ELN: variants seen among roughly 807,000 people sequenced by gnomAD.
ELN encodes tropoelastin.
A neutral mutation model predicts 105.8 loss-of-function variants in ELN; 65 were observed. That is an observed-to-expected ratio of 0.61 (90% CI 0.50 to 0.75). The LOEUF (loss-of-function observed/expected upper bound fraction) is 0.75, where lower values mean the gene tolerates loss of function less well. Ranked by LOEUF, ELN falls within the 30% of genes least tolerant of loss-of-function variation. ELN has a pLI of 0.00. For synonymous variants in ELN, 368 were observed against 389.2 expected, an observed-to-expected ratio of 0.95 and a Z score of 0.64; for missense variants, 882 against 969.4, an observed-to-expected ratio of 0.91 and a Z score of 1.20.
At chr7:74,058,796 G>T (rs1350131636) in intron 22 of ELN, among the ~76,000 whole-genome samples, 1 of 152,240 alleles carries the variant, frequency 6.6e-6, no homozygotes, top group Non-Finnish European at 1.5e-5. Flanking sequence ...TGGGCATGGG[G>T]TCTGTAGGCC....
At chr7:74,052,330 G>A in intron 17 of ELN, 1 of 354,912 alleles carries the variant, frequency 2.8e-6, no homozygotes, top group Non-Finnish European at 5.4e-6. Flanking sequence ...GCTATGCACA[G>A]TGGCTCACGC....
At position 74,051,763 on chromosome 7, in the gene ELN, C is replaced by G. The variant is rs782073662; in HGVS notation, c.813C>G (p.Ala271=). 9.9e-6 allele frequency: 16 copies of G among 1,614,080 alleles called. No homozygotes were observed. In the African/African-American group the frequency reaches 2.0e-4, roughly 20 times the overall value. ...KAAAKFGAGA[A]GVLPGVGGAG... ...CCATCTCAACAGGTGCTGGAGCAGC[C>G]GGAGTCCTCCCTGGTGTTGGAGGGG... The change falls in exon 16 of 33, where the codon GCC becomes GCG. Residue 271 remains alanine (A), a synonymous_variant. Coordinates refer to ENST00000252034, the MANE Select transcript of ELN (RefSeq NM_000501.4).
At chr7:74,054,916 C>T (rs948769086) in intron 19 of ELN, 147 bp downstream of exon 19, 7 of 847,342 alleles carry the variant, frequency 8.3e-6, no homozygotes, top group Middle Eastern at 3.4e-4. Flanking sequence ...GACAATGTCT[C>T]CCCCATTTGT....
At chr7:74,036,445 C>G (rs954298521) in intron 2 of ELN, 110 bp from the exon 3 acceptor site, 58 of 1,477,440 alleles carry the variant, frequency 3.9e-5, no homozygotes, top group Non-Finnish European at 5.1e-5. Context: ...CAGGTCTTGC[C>G]CAAGGTCACG....
chr7:74,046,263 G>A (rs1290502472), intron 11 of ELN, 46 bp downstream of exon 11: 1 of 1,613,882 alleles, frequency 6.2e-7, no homozygotes, highest in Non-Finnish European at 8.5e-7. Flanking sequence ...GCCAGGCAGA[G>A]GCTCTGGCGT....
At chr7:74,058,911 C>A (rs1300694249) in intron 22 of ELN, among the ~76,000 whole-genome samples, 1 of 152,158 alleles carries the variant, frequency 6.6e-6, no homozygotes, top group Non-Finnish European at 1.5e-5. Flanking sequence ...CATATTCTCA[C>A]ACACAGCAAT....
chr7:74,032,574 G>A (rs1788945840), intron 1 of ELN, among the ~76,000 whole-genome samples: 1 of 152,226 alleles, frequency 6.6e-6, no homozygotes, highest in Non-Finnish European at 1.5e-5. Flanking sequence ...ATTGCAAAGT[G>A]GGGATTAAAA....
intron 9 of ELN, among the ~76,000 whole-genome samples, 163 bp downstream of exon 9, chr7:74,044,083 C>T (rs1432279470): frequency 6.6e-6 from 1 of 151,928 alleles, no homozygotes; most frequent in Non-Finnish European, 1.5e-5. Context: ...CTCGTCTCTA[C>T]AAAAAAATTT....
chr7:74,051,903 C>A (rs187431078), intron 16 of ELN, 21 bp from the exon 17 acceptor site: 41 of 1,614,128 alleles, frequency 2.5e-5, no homozygotes, highest in Non-Finnish European at 3.3e-5. Flanking sequence ...AGGACCTCAC[C>A]CTCTGTGGCT....
rs782083834 is a variant in ELN at position 74,066,021 on chromosome 7, G to A, written c.2086+24G>A. On this transcript the variant is annotated intron_variant, in intron 31 of 32. Transcript: ENST00000252034. ...AGGTAGGGGTGGCCAGCTCTGCTAC[G>A]TAGTCCTCAGCTCTGTCCCGATCTA... 48 of 1,613,868 alleles carry A rather than the reference G, an allele frequency of 3.0e-5. No individual in the cohort carries two copies. In the African/African-American group the frequency reaches 4.7e-4, roughly 16 times the overall value.
At chr7:74,067,457 G>A (rs1393389529) in intron 32 of ELN, among the ~76,000 whole-genome samples, 7 of 151,600 alleles carry the variant, frequency 4.6e-5, no homozygotes, top group Admixed American at 1.3e-4. Flanking sequence ...TAGTAGAGAC[G>A]GGGTTTCACC....
rs1452362558 is a variant in ELN, at chr7:74,063,967, G to T, written c.1993+272G>T. 3.3e-5 allele frequency among the ~76,000 whole-genome samples: 5 copies of T among 152,104 alleles called. No homozygotes were observed. Among genetic ancestry groups the T allele is most frequent in the African/African-American group, 1.2e-4 (5 of 41,418 alleles). On this transcript the variant is annotated intron_variant, in intron 29 of 32. Transcript: ENST00000252034. This position sits in a 1 kb window ranked among gnomAD's most constrained non-coding sequence, Gnocchi z 4.1. ...AAAATACAAAAATAAGCCGGGCGTG[G>T]TGGTGGGCACCTGTATTTCCAGCTA...
Position 74,060,406 on chromosome 7 carries a change from C to T in ELN, c.1652C>T (p.Pro551Leu). 1 of 1,614,156 alleles carries T rather than the reference C, an allele frequency of 6.2e-7. No individual in the cohort carries two copies. Among genetic ancestry groups the T allele is most frequent in the Non-Finnish European group, 8.5e-7 (1 of 1,180,022 alleles). ...GCAGCTGGGCTTGGTGCTGGCATCC[C>T]TGGACTTGGAGTTGGTGTCGGCGTC... ...RAAAGLGAGI[P>L]GLGVGVGVPG... The change falls in exon 25 of 33, where the codon CCT (proline) becomes CTT (leucine). Residue 551 changes from proline to leucine, a missense_variant. Coordinates refer to ENST00000252034, the MANE Select transcript of ELN (RefSeq NM_000501.4).
intron 5 of ELN, among the ~76,000 whole-genome samples, chr7:74,042,176 T>C (rs1554668885): frequency 6.6e-6 from 1 of 151,084 alleles, no homozygotes; most frequent in African/African-American, 2.4e-5. Flanking sequence ...TCCTAGCACT[T>C]TGGGAGGCTG....
chr7:74,053,011 CT>C, intron 17 of ELN, 151 bp from the exon 18 acceptor site: 1 of 1,117,336 alleles, frequency 8.9e-7, no homozygotes, highest in Admixed American at 2.0e-5. Flanking sequence ...CTCTCCACAT[CT>C]CTCTGATGAG....
In ELN at chr7:74,060,458, T is replaced by C. The variant is rs955088925; in HGVS notation, c.1704T>C (p.Val568=). 6.2e-7 allele frequency: 1 copy of C among 1,613,590 alleles called. No individual in the cohort carries two copies. Among genetic ancestry groups the C allele is most frequent in the African/African-American group, 1.3e-5 (1 of 74,912 alleles). ...GVPGLGVGAG[V]PGLGVGAGVP... ...CTGGACTTGGAGTTGGTGCTGGTGT[T>C]CCTGGACTTGGAGTTGGTGCTGGTG... Residue 568 remains valine, a synonymous_variant, in exon 25 of 33, where the codon GTT becomes GTC. Coordinates refer to ENST00000252034, the MANE Select transcript of ELN (RefSeq NM_000501.4).
At chr7:74,052,147 T>C in intron 17 of ELN, 164 bp downstream of exon 17, 1 of 785,096 alleles carries the variant, frequency 1.3e-6, no homozygotes, top group East Asian at 2.7e-5. Context: ...TGAGATGCCA[T>C]CTCTATTGTT....
Position 74,048,198 on chromosome 7 carries a change from A to T in ELN, c.742A>T (p.Thr248Ser), listed in dbSNP as rs782574017. Residue 248 changes from threonine (T) to serine (S), a missense_variant, in exon 14 of 33, where the codon ACA becomes TCA. Coordinates refer to ENST00000252034, the MANE Select transcript of ELN (RefSeq NM_000501.4). Reference protein sequence around the residue: ...AAGKAGYPTGTGVGPQAAAAA... With the variant: ...AAGKAGYPTGSGVGPQAAAAA... ...GGGCAAGGCTGGTTACCCAACAGGG[A>T]CAGGTAAGGAAAGCCTCACGTCACT... is the stretch of plus-strand genomic sequence containing the variant. 1 of 1,613,966 alleles carries T rather than the reference A, an allele frequency of 6.2e-7. No homozygotes were observed. Among genetic ancestry groups the T allele is most frequent in the East Asian group, 2.2e-5 (1 of 44,882 alleles).
chr7:74,052,007 G>A, intron 17 of ELN, 24 bp downstream of exon 17: 1 of 1,612,270 alleles, frequency 6.2e-7, no homozygotes, highest in Non-Finnish European at 8.5e-7. Context: ...GGGGTGGCAA[G>A]TCCACGGCTC....
Sources: gnomAD v4.1 joint callset for allele counts (sites outside exome capture counted in the v4.1 genomes callset) on GRCh38, gnomAD v4.1.1 for gene constraint, Gnocchi (gnomAD v3.1) non-coding constraint, MANE v1.5 for transcripts, NCBI Gene and HGNC (gene_info 2026-07-23, HGNC 2026-07-21) for gene names.